VWC2: variants seen among roughly 807,000 people sequenced by gnomAD.
The protein encoded by VWC2 is von Willebrand factor C domain containing 2.
In VWC2, 14 loss-of-function variants were observed where a neutral mutation model predicts 29.8. The ratio of observed to expected loss-of-function variants is 0.47; its 90% CI spans 0.31 to 0.74. The LOEUF is 0.74. Ranked by LOEUF, VWC2 falls within the 30% of genes least tolerant of loss-of-function variation. The pLI, the probability that VWC2 is intolerant of heterozygous loss-of-function variation, is 0.05. For missense variants in VWC2, 457 were observed against 459.8 expected (o/e 0.99, Z 0.05); for synonymous variants, 213 against 199.0 (o/e 1.07, Z -0.59).
At chr7:49,806,751 CGT>C (rs139583961) in intron 3 of VWC2, among the ~76,000 whole-genome samples, 1 of 150,614 alleles carries the variant, frequency 6.6e-6, no homozygotes, top group Non-Finnish European at 1.5e-5. Context: ...TGTGTGTGTG[CGT>C]GTGTGTGTGG....
intron 3 of VWC2, among the ~76,000 whole-genome samples, chr7:49,895,368 G>A (rs921358845): frequency 1.3e-5 from 2 of 152,094 alleles, no homozygotes; most frequent in Non-Finnish European, 2.9e-5. Context: ...CGAATTCCAG[G>A]GGGACACCAA....
chr7:49,870,654 C>T (rs189694322), intron 3 of VWC2, among the ~76,000 whole-genome samples: 5 of 152,208 alleles, frequency 3.3e-5, no homozygotes, highest in African/African-American at 4.8e-5. Context: ...TCAGGAAGGC[C>T]GAAAAGGGCT....
intron 3 of VWC2, among the ~76,000 whole-genome samples, chr7:49,853,574 T>A (rs1045663010): frequency 1.3e-5 from 2 of 151,990 alleles, no homozygotes; most frequent in African/African-American, 4.8e-5. Flanking sequence ...AACCCTATAA[T>A]GAGATTAAAT....
chr7:49,803,461 G>C (rs1788793556), intron 3 of VWC2, among the ~76,000 whole-genome samples: 1 of 152,214 alleles, frequency 6.6e-6, no homozygotes, highest in Non-Finnish European at 1.5e-5. Context: ...GCATACCCAG[G>C]CTGGCTGGGC....
chr7:49,888,197 C>T (rs1484174285), intron 3 of VWC2, among the ~76,000 whole-genome samples: 2 of 152,180 alleles, frequency 1.3e-5, no homozygotes, highest in African/African-American at 4.8e-5. Flanking sequence ...TTTCTGACAG[C>T]CAGTTAAATA....
At chr7:49,877,481 A>AAAAAAAAAATAT in intron 3 of VWC2, among the ~76,000 whole-genome samples, 1 of 12,728 alleles carries the variant, frequency 7.9e-5, no homozygotes, top group African/African-American at 2.8e-4. Context: ...AAAAAAAAAA[A>AAAAAAAAAATAT]ATATATATAT....
At chr7:49,828,368 A>ACAAGTAAACACTAAGGTTTTTG (rs1393496119) in intron 3 of VWC2, among the ~76,000 whole-genome samples, 3 of 152,226 alleles carry the variant, frequency 2.0e-5, no homozygotes. Context: ...TCTATGGCTT[A>ACAAGTAAACACTAAGGTTTTTG]CAAGTAAACA....
intron 3 of VWC2, among the ~76,000 whole-genome samples, chr7:49,890,722 A>G (rs1792090467): frequency 1.3e-5 from 1 of 75,010 alleles, no homozygotes; most frequent in Non-Finnish European, 2.7e-5. Flanking sequence ...TTAAAACACA[A>G]AGCAAAACAA....
At chr7:49,905,809 T>TG in intron 3 of VWC2, among the ~76,000 whole-genome samples, 1 of 152,282 alleles carries the variant, frequency 6.6e-6, no homozygotes, top group East Asian at 1.9e-4. Flanking sequence ...ATAAAGCCCT[T>TG]GCTGATAAAA....
chr7:49,796,590 G>T (rs1206329415), intron 2 of VWC2, among the ~76,000 whole-genome samples: 1 of 152,182 alleles, frequency 6.6e-6, no homozygotes, highest in Admixed American at 6.5e-5. Flanking sequence ...GATGGTGAGG[G>T]TTGCTGCTGT....
intron 3 of VWC2, among the ~76,000 whole-genome samples, chr7:49,906,615 C>T (rs539339879): frequency 5.3e-5 from 8 of 152,272 alleles, no homozygotes; most frequent in South Asian, 2.1e-4. Context: ...GGATTACAGG[C>T]GTGAGCCACC....
At chr7:49,793,241 G>A (rs1427146462) in intron 2 of VWC2, among the ~76,000 whole-genome samples, 1 of 152,064 alleles carries the variant, frequency 6.6e-6, no homozygotes. Flanking sequence ...TTTAAAATGT[G>A]TGTTTAAAAT....
intron 3 of VWC2, among the ~76,000 whole-genome samples, chr7:49,807,776 T>C (rs773790259): frequency 1.3e-5 from 2 of 152,168 alleles, no homozygotes; most frequent in Non-Finnish European, 2.9e-5. Context: ...AATTGAACTT[T>C]TTAAAATTCA....
chr7:49,875,195 C>T (rs924394187), intron 3 of VWC2, among the ~76,000 whole-genome samples: 2 of 150,550 alleles, frequency 1.3e-5, no homozygotes, highest in African/African-American at 2.4e-5. Flanking sequence ...TATGGTGAAA[C>T]CTCGTCTCTA....
chr7:49,810,555 G>A (rs1788986040), intron 3 of VWC2, among the ~76,000 whole-genome samples: 1 of 152,116 alleles, frequency 6.6e-6, no homozygotes, highest in Non-Finnish European at 1.5e-5. Flanking sequence ...CATGCAGAAT[G>A]TAAAGGATAG....
intron 3 of VWC2, among the ~76,000 whole-genome samples, chr7:49,830,375 C>A (rs376638395): frequency 3.9e-5 from 6 of 152,242 alleles, no homozygotes; most frequent in African/African-American, 1.4e-4. Flanking sequence ...TCTCTGGTAT[C>A]TAGACTTTAT....
chr7:49,822,632 T>G (rs1445400525), intron 3 of VWC2, among the ~76,000 whole-genome samples: 2 of 152,190 alleles, frequency 1.3e-5, no homozygotes, highest in African/African-American at 4.8e-5. Flanking sequence ...AGAGACAGGA[T>G]TTCACCATGT....
intron 3 of VWC2, among the ~76,000 whole-genome samples, chr7:49,840,384 C>T (rs141432049): frequency 0.023 from 3,562 of 152,214 alleles, 341 homozygotes; most frequent in Admixed American, 0.17. Flanking sequence ...CTGTCTGCCT[C>T]GCAGGGGCCC....
intron 3 of VWC2, among the ~76,000 whole-genome samples, chr7:49,822,251 A>G (rs1447430410): frequency 2.0e-5 from 3 of 152,024 alleles, no homozygotes; most frequent in Non-Finnish European, 4.4e-5. Flanking sequence ...TAATGCAGTT[A>G]TGCCCTGTCA....
Sources: gnomAD v4.1 joint callset for allele counts (sites outside exome capture counted in the v4.1 genomes callset) on GRCh38, gnomAD v4.1.1 for gene constraint, MANE v1.5 for transcripts, NCBI Gene and HGNC (gene_info 2026-07-23, HGNC 2026-07-21) for gene names.